Variants in AGBL4 observed in about 807,000 individuals in gnomAD.
The protein encoded by AGBL4 is cytosolic carboxypeptidase 6.
Under a neutral mutation model 66.4 loss-of-function variants are expected in AGBL4, and 58 were observed. The observed-to-expected ratio is 0.87, with a 90% CI of 0.71 to 1.09. The LOEUF is 1.09. Among genes scored for constraint, AGBL4 ranks in the 50% least tolerant of loss-of-function variants. The pLI is 0.00. For synonymous variants in AGBL4, 234 were observed against 222.9 expected, an observed-to-expected ratio of 1.05 and a Z score of -0.44; for missense variants, 579 against 631.0, an observed-to-expected ratio of 0.92 and a Z score of 0.88.
At chr1:49,154,828 AATTGCTCCAACATATTG>A (rs1353529960) in intron 4 of AGBL4, among the ~76,000 whole-genome samples, 1 of 152,054 alleles carries the variant, frequency 6.6e-6, no homozygotes, top group Non-Finnish European at 1.5e-5. Context: ...CTGAAAACTT[AATTGCTCCAACATATTG>A]ATTGTTTTTT....
rs547512062 is a variant in AGBL4 at position 49,697,581 on chromosome 1, G to A, written c.158-144C>T. ...TTCAGTGTTCACAATCCAAAGGGCT[G>A]CCAAGTCTGAATGCAGCCCAGAGTA... On this transcript the variant is annotated intron_variant, in intron 2 of 13. Coordinates refer to ENST00000371839, the MANE Select transcript of AGBL4 (RefSeq NM_032785.4). 1.6e-5 allele frequency: 11 copies of A among 676,596 alleles called. No individual in the cohort carries two copies. In the South Asian group the frequency reaches 4.0e-4, roughly 25 times the overall value. 41.9% of individuals were successfully genotyped at this position (676,596 alleles called of 1,614,324 possible). A position where few individuals can be genotyped will look rare whatever the true frequency, so the allele number is the denominator to read the frequency against.
chr1:49,309,866 C>G (rs1644913857), intron 3 of AGBL4, among the ~76,000 whole-genome samples: 1 of 151,894 alleles, frequency 6.6e-6, no homozygotes, highest in Non-Finnish European at 1.5e-5. Flanking sequence ...TGTCAATGAA[C>G]AAAATAGCAA....
chr1:48,812,384 A>G (rs1238929361), intron 6 of AGBL4, among the ~76,000 whole-genome samples: 1 of 152,158 alleles, frequency 6.6e-6, no homozygotes, highest in Non-Finnish European at 1.5e-5. Context: ...ATTCACAATA[A>G]GGACTCTGGA....
intron 4 of AGBL4, among the ~76,000 whole-genome samples, chr1:49,105,580 T>C (rs1017406606): frequency 6.6e-6 from 1 of 152,176 alleles, no homozygotes; most frequent in African/African-American, 2.4e-5. Context: ...CATCTAAGCA[T>C]AATATTAATG....
Position 48,653,317 on chromosome 1 carries a change from C to G in AGBL4, c.839+20G>C. The G allele has an allele frequency of 6.5e-7, 1 of 1,530,410 alleles. No homozygotes were observed. Among genetic ancestry groups the G allele is most frequent in the Non-Finnish European group, 8.9e-7 (1 of 1,127,726 alleles). 94.8% of individuals were successfully genotyped at this position (1,530,410 alleles called of 1,614,324 possible). On this transcript the variant is annotated intron_variant, in intron 8 of 13. Transcript: ENST00000371839. The stretch of plus-strand genomic sequence containing the variant: ...CATCCTATAAGTACTTGCTTCCAAG[C>G]ATTCTCCCCAATTCCTTACCTGTAA...
intron 3 of AGBL4, among the ~76,000 whole-genome samples, chr1:49,679,090 T>A (rs747111290): frequency 6.6e-6 from 1 of 152,192 alleles, no homozygotes; most frequent in Non-Finnish European, 1.5e-5. Flanking sequence ...TTTAAGTCGT[T>A]GATGATTTTA....
intron 3 of AGBL4, among the ~76,000 whole-genome samples, chr1:49,440,370 G>T (rs531442917): frequency 6.6e-6 from 1 of 152,186 alleles, no homozygotes; most frequent in Admixed American, 6.5e-5. Flanking sequence ...GCCCAGCCAG[G>T]ACTCTGCTTT....
chr1:48,622,762 G>A (rs1043300932), intron 9 of AGBL4, among the ~76,000 whole-genome samples: 2 of 152,124 alleles, frequency 1.3e-5, no homozygotes, highest in African/African-American at 4.8e-5. Flanking sequence ...GGTATTACAG[G>A]CATGAGCCAC....
chr1:49,680,400 T>C, intron 3 of AGBL4, among the ~76,000 whole-genome samples: 1 of 145,174 alleles, frequency 6.9e-6, no homozygotes, highest in Non-Finnish European at 1.5e-5. Flanking sequence ...CTTTTAGTCA[T>C]TCTTGCTGTA....
At chr1:48,723,298 T>C (rs977879118) in intron 6 of AGBL4, among the ~76,000 whole-genome samples, 1 of 152,232 alleles carries the variant, frequency 6.6e-6, no homozygotes, top group African/African-American at 2.4e-5. Context: ...AATATTTTAC[T>C]GATGGCAATA....
chr1:49,443,575 C>T (rs944960437), intron 3 of AGBL4, among the ~76,000 whole-genome samples: 3 of 151,938 alleles, frequency 2.0e-5, no homozygotes, highest in Middle Eastern at 3.4e-3. Context: ...ATTGGCTGTA[C>T]ATCTGTGGCT....
chr1:49,751,975 T>G (rs1007825366), intron 2 of AGBL4, among the ~76,000 whole-genome samples: 1 of 152,020 alleles, frequency 6.6e-6, no homozygotes, highest in Non-Finnish European at 1.5e-5. Context: ...TTTTCTTTTT[T>G]TTTTTTAGTC....
At chr1:49,482,564 T>A (rs1324894742) in intron 3 of AGBL4, among the ~76,000 whole-genome samples, 4 of 152,036 alleles carry the variant, frequency 2.6e-5, no homozygotes, top group African/African-American at 9.7e-5. Context: ...TACTTTATTT[T>A]TTTTTTAAAC....
In AGBL4 at chr1:49,545,538, G is replaced by T. The variant is rs533938805; in HGVS notation, c.282+151775C>A. ...AATCCGTTAATGTTGGGGTAAAATT[G>T]TTATACAAAATGAGAAAGTCTAAGT... On this transcript the variant is annotated intron_variant, in intron 3 of 13. Coordinates refer to ENST00000371839, the MANE Select transcript of AGBL4 (RefSeq NM_032785.4). 5.3e-5 allele frequency among the ~76,000 whole-genome samples: 8 copies of T among 152,264 alleles called. No individual in the cohort carries two copies. The East Asian group carries it at 1.5e-3, about 29-fold the overall frequency.
At chr1:49,303,846 G>A (rs778147052) in intron 3 of AGBL4, among the ~76,000 whole-genome samples, 28 of 151,838 alleles carry the variant, frequency 1.8e-4, no homozygotes, top group African/African-American at 4.1e-4. Context: ...GTTTTTTCTC[G>A]TAAATTTAAG....
chr1:49,333,796 C>A (rs1290052093), intron 3 of AGBL4, among the ~76,000 whole-genome samples: 2 of 152,062 alleles, frequency 1.3e-5, no homozygotes, highest in African/African-American at 4.8e-5. Context: ...TCAGGCTAAC[C>A]CTCCTTGTTC....
chr1:49,959,777 A>C (rs1656970027), intron 1 of AGBL4, among the ~76,000 whole-genome samples: 1 of 152,158 alleles, frequency 6.6e-6, no homozygotes, highest in Non-Finnish European at 1.5e-5. Context: ...ACATGGAATG[A>C]ACCTAAATGC....
chr1:49,054,309 CA>C (rs1258739168), intron 4 of AGBL4, among the ~76,000 whole-genome samples: 1 of 151,874 alleles, frequency 6.6e-6, no homozygotes, highest in Admixed American at 6.6e-5. Flanking sequence ...TTCATGTAAC[CA>C]AAGTAAAGCT....
At chr1:49,613,208 A>G in intron 3 of AGBL4, among the ~76,000 whole-genome samples, 1 of 152,062 alleles carries the variant, frequency 6.6e-6, no homozygotes, top group East Asian at 1.9e-4. Flanking sequence ...AGATGGGAAC[A>G]ACAGACACTG....
Sources: gnomAD v4.1 joint callset for allele counts (sites outside exome capture counted in the v4.1 genomes callset) on GRCh38, gnomAD v4.1.1 for gene constraint, MANE v1.5 for transcripts, NCBI Gene and HGNC (gene_info 2026-07-23, HGNC 2026-07-21) for gene names.